NFIB: variants seen among roughly 807,000 people sequenced by gnomAD.
The protein encoded by NFIB is nuclear factor 1 B-type.
Under a neutral mutation model 61.5 loss-of-function variants are expected in NFIB, and 11 were observed. The ratio of observed to expected loss-of-function variants is 0.18; its 90% CI spans 0.11 to 0.30. The LOEUF is 0.30. Ranked by LOEUF, NFIB falls within the 10% of genes least tolerant of loss-of-function variation. The pLI, the probability that NFIB is intolerant of heterozygous loss-of-function variation, is 1.00. For missense variants in NFIB, 471 were observed against 608.9 expected (o/e 0.77, Z 2.38); for synonymous variants, 260 against 216.5 (o/e 1.20, Z -1.76).
the NFIB span, among the ~76,000 whole-genome samples, chr9:14,417,054 G>A: frequency 6.6e-6 from 1 of 151,262 alleles, no homozygotes; most frequent in Non-Finnish European, 1.5e-5. Context: ...CACCACACCC[G>A]GCTAATTTTT....
chr9:14,139,048 A>T (rs1399627959), intron 6 of NFIB, among the ~76,000 whole-genome samples: 1 of 152,134 alleles, frequency 6.6e-6, no homozygotes. Context: ...GCTTTCCAAG[A>T]AAAGTGTCCC....
At chr9:14,116,614 A>ATCCTTTCATG (rs2119095507) in intron 8 of NFIB, among the ~76,000 whole-genome samples, 1 of 152,356 alleles carries the variant, frequency 6.6e-6, no homozygotes, top group African/African-American at 2.4e-5. Context: ...GGTAGACTTG[A>ATCCTTTCATG]TCCTTTCATG....
chr9:14,505,361 T>C, the NFIB span, among the ~76,000 whole-genome samples: 2 of 152,218 alleles, frequency 1.3e-5, no homozygotes, highest in Non-Finnish European at 1.5e-5. Flanking sequence ...GGGTGATAAC[T>C]AGCTTCATAG....
At chr9:14,499,076 G>C in the NFIB span, among the ~76,000 whole-genome samples, 2 of 151,832 alleles carry the variant, frequency 1.3e-5, no homozygotes, top group African/African-American at 2.4e-5. Context: ...GGGTGTGTGT[G>C]TTTGTGTGTG....
At chr9:14,399,964 T>C (rs2061726639), upstream of NFIB, among the ~76,000 whole-genome samples, 1 of 152,030 alleles carries the variant, frequency 6.6e-6, no homozygotes, top group Non-Finnish European at 1.5e-5. Flanking sequence ...TCATCTTACA[T>C]GACAATTTTA....
At chr9:14,513,969 T>C in the NFIB span, among the ~76,000 whole-genome samples, 1 of 152,242 alleles carries the variant, frequency 6.6e-6, no homozygotes, top group Non-Finnish European at 1.5e-5. Context: ...CTTTTTATTT[T>C]CTTAACAGTC....
At chr9:14,195,048 T>C (rs2048328852) in intron 2 of NFIB, among the ~76,000 whole-genome samples, 2 of 152,152 alleles carry the variant, frequency 1.3e-5, no homozygotes, top group South Asian at 2.1e-4. Flanking sequence ...CCTATTCTTC[T>C]AGGCTTGCTT....
the NFIB span, among the ~76,000 whole-genome samples, chr9:14,496,802 G>T: frequency 6.6e-6 from 1 of 152,142 alleles, no homozygotes; most frequent in Admixed American, 6.5e-5. Flanking sequence ...CACTGGCATG[G>T]ACTTTATCAG....
chr9:14,334,504 T>A (rs140208346), intron 1 of NFIB, among the ~76,000 whole-genome samples: 1 of 152,188 alleles, frequency 6.6e-6, no homozygotes, highest in African/African-American at 2.4e-5. Flanking sequence ...TGTTCAAATA[T>A]TTTTCCCGTT....
rs1020480397 is a variant in NFIB at position 14,348,892 on chromosome 9, C to A, written c.109-41372G>T. 6.6e-5 allele frequency among the ~76,000 whole-genome samples: 10 copies of A among 152,274 alleles called. 1 individual carries two copies. Among genetic ancestry groups the A allele is most frequent in the Admixed American group, 2.6e-4 (4 of 15,290 alleles). On this transcript the variant is annotated intron_variant, in intron 1 of 8. Coordinates refer to the NFIB transcript ENST00000380934. ...AAACCACGAAGCTTGCGCCTTCATGCGTGTCTAACATTAAAAACAAAAAAA... is the reference window on the plus strand; with the variant it reads ...AAACCACGAAGCTTGCGCCTTCATGAGTGTCTAACATTAAAAACAAAAAAA...
upstream of NFIB, among the ~76,000 whole-genome samples, chr9:14,314,734 T>TC (rs1288083618): frequency 3.0e-5 from 2 of 65,802 alleles, no homozygotes; most frequent in South Asian, 6.0e-4. Flanking sequence ...TCTCCTTCTC[T>TC]CCCCCCACCT....
chr9:14,520,864 C>T, the NFIB span, among the ~76,000 whole-genome samples: 2 of 152,126 alleles, frequency 1.3e-5, no homozygotes, highest in Admixed American at 6.5e-5. Flanking sequence ...TGATGGAAGG[C>T]CCAAAAAGTG....
At chr9:14,265,867 AGG>A (rs1489442442) in intron 2 of NFIB, among the ~76,000 whole-genome samples, 1 of 152,222 alleles carries the variant, frequency 6.6e-6, no homozygotes, top group Admixed American at 6.5e-5. Flanking sequence ...GTCTTATGTT[AGG>A]GAAGTAGAAA....
intron 6 of NFIB, among the ~76,000 whole-genome samples, chr9:14,127,939 A>AG (rs1248602409): frequency 2.0e-5 from 3 of 151,776 alleles, no homozygotes; most frequent in Non-Finnish European, 4.4e-5. Context: ...TTTCAAAAAA[A>AG]AAAAAAAAAA....
intron 2 of NFIB, among the ~76,000 whole-genome samples, chr9:14,228,456 A>G (rs1456652106): frequency 6.6e-6 from 1 of 152,104 alleles, no homozygotes; most frequent in African/African-American, 2.4e-5. Context: ...TCAGCCTCCC[A>G]AAGCCTCCCA....
At chr9:14,198,857 C>G (rs1271078580) in intron 2 of NFIB, among the ~76,000 whole-genome samples, 1 of 152,156 alleles carries the variant, frequency 6.6e-6, no homozygotes, top group African/African-American at 2.4e-5. Context: ...AGTCCTTAAG[C>G]CAAAACCAAT....
chr9:14,360,929 G>C (rs1441562551), intron 1 of NFIB, among the ~76,000 whole-genome samples: 1 of 152,070 alleles, frequency 6.6e-6, no homozygotes, highest in Non-Finnish European at 1.5e-5. Context: ...TGTTAGTGTG[G>C]AAGAGCACTT....
Position 14,259,150 on chromosome 9 carries a change from T to A in NFIB, c.562+47839A>T, listed in dbSNP as rs1322989. On this transcript the variant is annotated intron_variant, in intron 2 of 10. Coordinates refer to ENST00000380953, the MANE Select transcript of NFIB (RefSeq NM_001190737.2). The stretch of plus-strand genomic sequence containing the variant: ...CTATTCAACATTCACATCTCATTCA[T>A]TGTTACATACAAAGCTCATGAAGTG... Among the ~76,000 whole-genome samples, 1,074 of 152,346 alleles carry A rather than the reference T, an allele frequency of 7.0e-3. 17 individuals carry two copies. Among genetic ancestry groups the A allele is most frequent in the African/African-American group, 0.024 (984 of 41,580 alleles).
At position 14,097,875 on chromosome 9, in the gene NFIB, C is replaced by CTTTTTTTTTTTTTTTTTTTTT. The variant is rs71321962; in HGVS notation, c.1468-9550_1468-9549insAAAAAAAAAAAAAAAAAAAAA. Among the ~76,000 whole-genome samples, 53 of 110,836 alleles carry CTTTTTTTTTTTTTTTTTTTTT rather than the reference C, an allele frequency of 4.8e-4. 1 individual carries two copies. Among genetic ancestry groups the CTTTTTTTTTTTTTTTTTTTTT allele is most frequent in the South Asian group, 1.0e-3 (3 of 2,878 alleles). 72.7% of individuals were successfully genotyped at this position (110,836 alleles called of 152,430 possible). A position where few individuals can be genotyped will look rare whatever the true frequency, so the allele number is the denominator to read the frequency against. ...CTTTTTTTTTCTTTCTTTCTTTTTT[C>CTTTTTTTTTTTTTTTTTTTTT]TTTTTTTTTTTTTTTTTTGCCCTCC... On this transcript the variant is annotated intron_variant, in intron 10 of 10. Coordinates refer to ENST00000380953, the MANE Select transcript of NFIB (RefSeq NM_001190737.2).
Sources: gnomAD v4.1 joint callset for allele counts (sites outside exome capture counted in the v4.1 genomes callset) on GRCh38, gnomAD v4.1.1 for gene constraint, MANE v1.5 for transcripts, NCBI Gene and HGNC (gene_info 2026-07-23, HGNC 2026-07-21) for gene names.